Variants in NBEA observed in about 807,000 individuals in gnomAD.
The protein encoded by NBEA is neurobeachin.
In NBEA, 44 loss-of-function variants were observed where a neutral mutation model predicts 343.4. That is an observed-to-expected ratio of 0.13 (90% confidence interval 0.10 to 0.16). The LOEUF is 0.16. NBEA is among the 10% of genes least tolerant of loss of function. The pLI, the probability that NBEA is intolerant of heterozygous loss-of-function variation, is 1.00. For synonymous variants in NBEA, 1,175 were observed against 1,238.7 expected, an observed-to-expected ratio of 0.95 and a Z score of 1.08; for missense variants, 2,555 against 3,631.3, an observed-to-expected ratio of 0.70 and a Z score of 7.62.
intron 41 of NBEA, among the ~76,000 whole-genome samples, chr13:35,499,552 T>C (rs2152979008): frequency 6.6e-6 from 1 of 152,202 alleles, no homozygotes; most frequent in South Asian, 2.1e-4. Flanking sequence ...TCAAGCCATT[T>C]TTTGTTTGCT....
At chr13:35,511,590 A>G (rs1355130193) in intron 41 of NBEA, among the ~76,000 whole-genome samples, 1 of 152,152 alleles carries the variant, frequency 6.6e-6, no homozygotes, top group Non-Finnish European at 1.5e-5. Context: ...ATTGCAATGT[A>G]TATTTTTACT....
chr13:34,981,682 T>C (rs187807115), intron 1 of NBEA, among the ~76,000 whole-genome samples: 1 of 152,234 alleles, frequency 6.6e-6, no homozygotes, highest in East Asian at 1.9e-4. Flanking sequence ...ATGAATGATT[T>C]TTATAGAATT....
At chr13:35,171,149 A>AT in intron 25 of NBEA, 123 bp from the exon 26 acceptor site, 1 of 922,194 alleles carries the variant, frequency 1.1e-6, no homozygotes, top group Non-Finnish European at 1.7e-6. Context: ...TTGAACATTT[A>AT]TTTTATTTAT....
chr13:35,044,966 G>A lies in NBEA; in HGVS notation c.546G>A (p.Leu182=). 1 of 1,610,796 alleles carries A rather than the reference G, an allele frequency of 6.2e-7. No individual in the cohort carries two copies. Among genetic ancestry groups the A allele is most frequent in the Non-Finnish European group, 8.5e-7 (1 of 1,178,288 alleles). Residue 182 remains leucine (L), a synonymous_variant, in exon 3 of 59, where the codon TTG becomes TTA. Coordinates refer to ENST00000379939, the MANE Select transcript of NBEA (RefSeq NM_001385012.1). Reference sequence around the variant, plus strand: ...TTGAAGATCTTCTAGTTGATATGTTGGGGGTTCTTGCCAGCTACAGCATCA... The same window carrying A: ...TTGAAGATCTTCTAGTTGATATGTTAGGGGTTCTTGCCAGCTACAGCATCA... ...DMIADLLVDM[L]GVLASYSITV...
chr13:35,320,838 T>C (rs2038085515), intron 36 of NBEA, among the ~76,000 whole-genome samples: 1 of 152,098 alleles, frequency 6.6e-6, no homozygotes, highest in Admixed American at 6.5e-5. Context: ...CTTTATTTCA[T>C]TAAGTTGATC....
At chr13:35,471,352 T>C (rs2075640667) in intron 40 of NBEA, among the ~76,000 whole-genome samples, 2 of 152,188 alleles carry the variant, frequency 1.3e-5, no homozygotes, top group South Asian at 2.1e-4. Context: ...GCGGGGAACC[T>C]AACTTTTTAT....
In NBEA at chr13:35,672,398, C is replaced by G. The variant is rs543107714; in HGVS notation, c.*1407C>G. ...ATATCATTATTTATTGATGTGATTACTTATTTGTTATCCACCTTGTACTAG... is the reference window on the plus strand; with the variant it reads ...ATATCATTATTTATTGATGTGATTAGTTATTTGTTATCCACCTTGTACTAG... On this transcript the variant is annotated 3_prime_UTR_variant, in exon 59 of 59. Transcript: ENST00000379939. The G allele has an allele frequency of 1.8e-4, 27 of 152,734 alleles. No individual in the cohort carries two copies. Among genetic ancestry groups the G allele is most frequent in the Non-Finnish European group, 1.5e-5 (1 of 68,020 alleles). The allele number at this position is 152,734 out of a possible 1,614,324, so 9.5% of individuals were successfully genotyped here.
At chr13:35,396,944 C>T (rs2042775022) in intron 38 of NBEA, among the ~76,000 whole-genome samples, 1 of 152,066 alleles carries the variant, frequency 6.6e-6, no homozygotes, top group South Asian at 2.1e-4. Context: ...TTTCTGACCT[C>T]ATCTCTTCAT....
At chr13:35,511,502 A>G (rs1427707860) in intron 41 of NBEA, among the ~76,000 whole-genome samples, 1 of 152,184 alleles carries the variant, frequency 6.6e-6, no homozygotes. Context: ...ACAAAGAAAG[A>G]AAAAATAATC....
At chr13:35,126,068 C>A (rs73500428) in intron 17 of NBEA, among the ~76,000 whole-genome samples, 6,179 of 152,178 alleles carry the variant, frequency 0.041, 216 homozygotes, top group African/African-American at 0.09. Flanking sequence ...CTCATCTTGA[C>A]TTGTAATCCT....
At chr13:35,014,216 G>A (rs796294746) in intron 1 of NBEA, among the ~76,000 whole-genome samples, 2 of 152,130 alleles carry the variant, frequency 1.3e-5, no homozygotes, top group African/African-American at 4.8e-5. Context: ...TTCTAGTCAC[G>A]TATTTTTTAT....
At chr13:35,589,501 T>C (rs1267457155) in intron 46 of NBEA, among the ~76,000 whole-genome samples, 1 of 152,102 alleles carries the variant, frequency 6.6e-6, no homozygotes, top group East Asian at 1.9e-4. Flanking sequence ...TCCCAGGCAC[T>C]ACCTATTACC....
chr13:35,243,163 TAA>T (rs1408608409), intron 34 of NBEA, among the ~76,000 whole-genome samples: 1 of 151,840 alleles, frequency 6.6e-6, no homozygotes, highest in Non-Finnish European at 1.5e-5. Flanking sequence ...TGTAAAGGAA[TAA>T]AGTTTTTATA....
chr13:35,295,076 T>C (rs1233604520), intron 35 of NBEA, among the ~76,000 whole-genome samples: 1 of 148,184 alleles, frequency 6.7e-6, no homozygotes, highest in Non-Finnish European at 1.5e-5. Flanking sequence ...TTAAAAAAAA[T>C]AGCAGAAATT....
intron 34 of NBEA, among the ~76,000 whole-genome samples, chr13:35,270,585 C>T (rs1052401727): frequency 6.6e-6 from 1 of 152,164 alleles, no homozygotes; most frequent in Non-Finnish European, 1.5e-5. Context: ...CAAGGGAAGC[C>T]ATGAGTGACT....
intron 41 of NBEA, among the ~76,000 whole-genome samples, chr13:35,499,618 C>G (rs1011567352): frequency 7.2e-5 from 11 of 151,988 alleles, no homozygotes; most frequent in African/African-American, 2.7e-4. Flanking sequence ...TGCCTCAGGC[C>G]TAAGAACTAA....
chr13:35,538,663 A>G (rs1169729016), intron 41 of NBEA, among the ~76,000 whole-genome samples: 2 of 152,224 alleles, frequency 1.3e-5, no homozygotes, highest in Non-Finnish European at 2.9e-5. Context: ...GTTGTACAGT[A>G]ACCCCCGTGA....
chr13:35,348,283 A>G (rs530301034), intron 36 of NBEA, among the ~76,000 whole-genome samples: 10 of 152,268 alleles, frequency 6.6e-5, no homozygotes, highest in African/African-American at 2.4e-4. Flanking sequence ...AACAGACTGT[A>G]TAATGTACTA....
At position 35,208,867 on chromosome 13, in the gene NBEA, C is replaced by A. The variant is rs761221643; in HGVS notation, c.5521+13C>A. On this transcript the variant is annotated intron_variant, in intron 32 of 58. Transcript: ENST00000379939. Reference sequence around the variant, plus strand: ...ATTAATACAACAGGTATTGTACTTACATATTTTTGTGATACTCATCTTTTT... The same window carrying A: ...ATTAATACAACAGGTATTGTACTTAAATATTTTTGTGATACTCATCTTTTT... The A allele has an allele frequency of 2.0e-6, 3 of 1,498,080 alleles. No individual in the cohort carries two copies. In the African/African-American group the frequency reaches 4.2e-5, roughly 21 times the overall value. 92.8% of individuals were successfully genotyped at this position (1,498,080 alleles called of 1,614,324 possible).
Sources: gnomAD v4.1 joint callset for allele counts (sites outside exome capture counted in the v4.1 genomes callset) on GRCh38, gnomAD v4.1.1 for gene constraint, MANE v1.5 for transcripts, NCBI Gene and HGNC (gene_info 2026-07-23, HGNC 2026-07-21) for gene names.